Variants in FGL1 observed in about 807,000 individuals in gnomAD.
FGL1 encodes the protein fibrinogen like 1.
FGL1 carries 59 observed loss-of-function variants against 43.7 expected under a neutral mutation model. That is an observed-to-expected ratio of 1.35 (90% confidence interval 1.10 to 1.68). The LOEUF (loss-of-function observed/expected upper bound fraction) is 1.68. FGL1 is among the 40% of genes most tolerant of loss of function. The pLI is 0.00. For missense variants in FGL1, 596 were observed against 373.0 expected (o/e 1.60, Z -4.92); for synonymous variants, 192 against 126.5 (o/e 1.52, Z -3.48).
At position 17,868,922 on chromosome 8, in the gene FGL1, A is replaced by C. The variant is rs375555356; in HGVS notation, c.585T>G (p.Asp195Glu). Residue 195 changes from aspartate (D) to glutamate (E), a missense_variant, in exon 6 of 8, where the codon GAT (aspartate) becomes GAG (glutamate). Coordinates refer to ENST00000427924, the MANE Select transcript of FGL1 (RefSeq NM_004467.4). ...TCTTAGAAAATTGTAGTACCTTTTCATCTCCAACTTTGAAATTCTTATATT... is the reference window on the plus strand; with the variant it reads ...TCTTAGAAAATTGTAGTACCTTTTCCTCTCCAACTTTGAAATTCTTATATT... ...YAQYKNFKVGDEKNFYELNIG... is the reference protein window; with the variant it reads ...YAQYKNFKVGEEKNFYELNIG... 4 of 1,593,860 alleles carry C rather than the reference A, an allele frequency of 2.5e-6. No individual in the cohort carries two copies. The highest frequency in any genetic ancestry group is 3.4e-6 in the Non-Finnish European group (4 of 1,172,778).
At chr8:17,880,268 A>C (rs1004071285) in intron 3 of FGL1, among the ~76,000 whole-genome samples, 6 of 152,212 alleles carry the variant, frequency 3.9e-5, no homozygotes, top group Admixed American at 1.3e-4. Flanking sequence ...GAGTCTGAGC[A>C]GAGGGAGATA....
At chr8:17,881,920 C>A in intron 3 of FGL1, 79 bp downstream of exon 3, 2 of 1,173,536 alleles carry the variant, frequency 1.7e-6, no homozygotes, top group Admixed American at 2.3e-5. Context: ...ATAGGAAAAG[C>A]CTGAAATAAC....
chr8:17,864,841 A>G (rs1033911430), intron 7 of FGL1, 90 bp from the exon 8 acceptor site: 8 of 1,157,304 alleles, frequency 6.9e-6, no homozygotes, highest in Admixed American at 3.9e-5. Flanking sequence ...AATGCTCAAA[A>G]TTTTTGAACT....
In FGL1 at chr8:17,875,521, TTCTTTCTTTCTTTC is replaced by T. The variant is rs1329253312; in HGVS notation, c.245-1014_245-1001del. On this transcript the variant is annotated intron_variant, in intron 3 of 7. Transcript: ENST00000427924. Reference sequence around the variant, plus strand: ...TTTCTTTCTTTCTTTCTTTCTTTCTTTCTTTCTTTCTTTCTCTTTCTTTCTTTCTTTCTTTCTTT... The same window carrying T: ...TTTCTTTCTTTCTTTCTTTCTTTCTTTCTTTCTTTCTTTCTTTCTTTCTTT... Among the ~76,000 whole-genome samples, 5 of 9,814 alleles carry T rather than the reference TTCTTTCTTTCTTTC, an allele frequency of 5.1e-4. 1 individual carries two copies. The East Asian group carries it at 5.2e-3, about 10-fold the overall frequency. The allele number at this position is 9,814 out of a possible 152,430, so 6.4% of individuals were successfully genotyped here. A position where few individuals can be genotyped will look rare whatever the true frequency, so the allele number is the denominator to read the frequency against.
intron 5 of FGL1, among the ~76,000 whole-genome samples, chr8:17,871,337 T>C (rs1035644958): frequency 1.3e-5 from 2 of 151,746 alleles, no homozygotes; most frequent in East Asian, 1.9e-4. Context: ...CTACTAAAAA[T>C]ACAAAAATTA....
At chr8:17,866,797 T>A (rs1348688684) in intron 7 of FGL1, among the ~76,000 whole-genome samples, 1 of 152,246 alleles carries the variant, frequency 6.6e-6, no homozygotes, top group African/African-American at 2.4e-5. Context: ...TATATGGAAT[T>A]GTTTTCAAAA....
chr8:17,888,675 C>T (rs1431796354), intron 1 of FGL1, among the ~76,000 whole-genome samples: 1 of 152,084 alleles, frequency 6.6e-6, no homozygotes, highest in East Asian at 1.9e-4. Context: ...ATTTTTTCAA[C>T]ATCAGCATTG....
intron 5 of FGL1, among the ~76,000 whole-genome samples, chr8:17,871,707 C>G (rs1585130273): frequency 6.6e-6 from 1 of 152,022 alleles, no homozygotes; most frequent in Non-Finnish European, 1.5e-5. Flanking sequence ...CCGTAATGCT[C>G]TCATAATTAA....
At position 17,895,469 on chromosome 8, in the gene FGL1, G is replaced by A; in HGVS notation, c.-40C>T. 7.8e-7 allele frequency: 1 copy of A among 1,282,698 alleles called. No homozygotes were observed. The highest frequency in any genetic ancestry group is 1.0e-6 in the Non-Finnish European group (1 of 982,884). The allele number at this position is 1,282,698 out of a possible 1,614,324, so 79.5% of individuals were successfully genotyped here. A position where few individuals can be genotyped will look rare whatever the true frequency, so the allele number is the denominator to read the frequency against. On this transcript the variant is annotated 5_prime_UTR_variant, in exon 1 of 8. Transcript: ENST00000427924. The stretch of plus-strand genomic sequence containing the variant: ...TGCCTAAAGTCAGAAGTGAGTCAGA[G>A]ACCCAGCTCAGGTTCCATCCAGACA...
At chr8:17,873,528 T>C (rs1225608028) in intron 5 of FGL1, among the ~76,000 whole-genome samples, 1 of 152,146 alleles carries the variant, frequency 6.6e-6, no homozygotes, top group Non-Finnish European at 1.5e-5. Flanking sequence ...TTTAAGCCAC[T>C]AAGCTTTGGA....
At chr8:17,884,952 C>T (rs1585146623) in intron 2 of FGL1, among the ~76,000 whole-genome samples, 1 of 151,896 alleles carries the variant, frequency 6.6e-6, no homozygotes, top group East Asian at 1.9e-4. Flanking sequence ...TGGACAGTTT[C>T]AAATTTCTAA....
chr8:17,865,139 A>G (rs1269267575), intron 7 of FGL1, among the ~76,000 whole-genome samples: 1 of 152,064 alleles, frequency 6.6e-6, no homozygotes, highest in Non-Finnish European at 1.5e-5. Flanking sequence ...AAATCTGAAA[A>G]TACAACCCAG....
At chr8:17,872,345 C>T (rs1371656578) in intron 5 of FGL1, among the ~76,000 whole-genome samples, 1 of 107,044 alleles carries the variant, frequency 9.3e-6, no homozygotes, top group Non-Finnish European at 1.9e-5. Context: ...CTCTGTCACC[C>T]AGGCTGGAGT....
rs374685173 is a variant in FGL1, at chr8:17,874,040, G to T, written c.481C>A (p.Leu161Ile). 1 of 1,610,382 alleles carries T rather than the reference G, an allele frequency of 6.2e-7. No homozygotes were observed. Among genetic ancestry groups the T allele is most frequent in the South Asian group, 1.1e-5 (1 of 90,088 alleles). The change falls in exon 5 of 8, where the codon CTT becomes ATT. Residue 161 changes from leucine (L) to isoleucine (I), a missense_variant. By Grantham distance (5) the Leu-to-Ile change is conservative. Transcript: ENST00000427924. ...HGEYWLGNKN[L>I]HFLTTQEDYT... ...TTACCTTGAGTGGTCAAGAAGTGAA[G>T]ATTTTTATTGCCCAGCCAATATTCA...
intron 7 of FGL1, among the ~76,000 whole-genome samples, chr8:17,867,811 C>T (rs1364389927): frequency 6.6e-6 from 1 of 152,184 alleles, no homozygotes; most frequent in African/African-American, 2.4e-5. Context: ...GGTGCGGTGG[C>T]TCACGCCCAA....
chr8:17,887,522 T>C (rs2053645760), intron 1 of FGL1, among the ~76,000 whole-genome samples: 1 of 152,182 alleles, frequency 6.6e-6, no homozygotes, highest in Non-Finnish European at 1.5e-5. Flanking sequence ...CAATTAGTCA[T>C]GACTTAACCC....
intron 1 of FGL1, chr8:17,891,281 CAAG>C (rs1033448831): frequency 3.9e-5 from 6 of 152,278 alleles, no homozygotes; most frequent in African/African-American, 1.4e-4. Flanking sequence ...AGTCCAAAAT[CAAG>C]AAGAACAGGG....
chr8:17,874,989 G>C (rs1043868137), intron 3 of FGL1, among the ~76,000 whole-genome samples: 4 of 151,962 alleles, frequency 2.6e-5, no homozygotes, highest in African/African-American at 9.7e-5. Flanking sequence ...TGAGTAGTCT[G>C]TTAATAACAG....
intron 3 of FGL1, among the ~76,000 whole-genome samples, chr8:17,878,393 C>T (rs1005529423): frequency 6.6e-6 from 1 of 152,316 alleles, no homozygotes; most frequent in Admixed American, 6.5e-5. Context: ...AGATGGGCAG[C>T]TGGACTTTGA....
Sources: allele counts gnomAD v4.1 joint callset (sites outside exome capture counted in the v4.1 genomes callset), GRCh38; gene constraint gnomAD v4.1.1; transcripts MANE v1.5; gene names NCBI Gene and HGNC (gene_info 2026-07-23, HGNC 2026-07-21).